AGBL4: variants seen among roughly 807,000 people sequenced by gnomAD.
AGBL4 encodes AGBL carboxypeptidase 4, also known as cytosolic carboxypeptidase 6.
Under a neutral mutation model 66.4 loss-of-function variants are expected in AGBL4, and 58 were observed. That is an observed-to-expected ratio of 0.87 (90% CI 0.71 to 1.09). The LOEUF (loss-of-function observed/expected upper bound fraction) is 1.09, where lower values mean the gene tolerates loss of function less well. Among genes scored for constraint, AGBL4 ranks in the 50% least tolerant of loss-of-function variants. The pLI is 0.00. For missense variants in AGBL4, 579 were observed against 631.0 expected, an observed-to-expected ratio of 0.92 and a Z score of 0.88; for synonymous variants, 234 against 222.9, an observed-to-expected ratio of 1.05 and a Z score of -0.44.
chr1:49,408,398 C>T (rs1157725806), intron 3 of AGBL4, among the ~76,000 whole-genome samples: 1 of 152,124 alleles, frequency 6.6e-6, no homozygotes, highest in Non-Finnish European at 1.5e-5. Flanking sequence ...TCACACTACC[C>T]TTGTGTGATG....
intron 1 of AGBL4, chr1:49,996,176 AT>A (rs2148411500): frequency 6.6e-6 from 1 of 152,340 alleles, no homozygotes; most frequent in East Asian, 1.9e-4. Context: ...CCCCAAAAAA[AT>A]CACATTAGCT....
chr1:49,942,619 T>C (rs949257933), intron 1 of AGBL4, among the ~76,000 whole-genome samples: 1 of 152,176 alleles, frequency 6.6e-6, no homozygotes, highest in African/African-American at 2.4e-5. Flanking sequence ...TTGGAAAGAT[T>C]GTCTATCCAC....
chr1:49,735,624 A>G (rs1214549666), intron 2 of AGBL4, among the ~76,000 whole-genome samples: 1 of 152,172 alleles, frequency 6.6e-6, no homozygotes, highest in Non-Finnish European at 1.5e-5. Flanking sequence ...CAAGATACAG[A>G]AAAATTAACT....
intron 9 of AGBL4, among the ~76,000 whole-genome samples, chr1:48,610,355 GGT>G (rs1645218589): frequency 6.6e-6 from 1 of 152,146 alleles, no homozygotes; most frequent in Non-Finnish European, 1.5e-5. Context: ...CTGGGCTACT[GGT>G]TAGGATGCAT....
chr1:49,508,245 C>G (rs1400451646), intron 3 of AGBL4, among the ~76,000 whole-genome samples: 1 of 151,912 alleles, frequency 6.6e-6, no homozygotes, highest in East Asian at 1.9e-4. Flanking sequence ...CCTCCAATCT[C>G]TTTTTCAAAG....
chr1:49,987,644 C>G (rs1316607595), intron 1 of AGBL4, among the ~76,000 whole-genome samples: 1 of 152,004 alleles, frequency 6.6e-6, no homozygotes, highest in Non-Finnish European at 1.5e-5. Context: ...AAATCTAAGA[C>G]TGTCCACTGA....
At chr1:48,699,636 C>T (rs1292212529) in intron 6 of AGBL4, among the ~76,000 whole-genome samples, 1 of 152,124 alleles carries the variant, frequency 6.6e-6, no homozygotes, top group Non-Finnish European at 1.5e-5. Context: ...AATAAATTAC[C>T]CTGGCTCTCT....
chr1:49,381,931 G>T (rs971964971), intron 3 of AGBL4, among the ~76,000 whole-genome samples: 1 of 151,658 alleles, frequency 6.6e-6, no homozygotes, highest in Non-Finnish European at 1.5e-5. Flanking sequence ...CACCAGCATG[G>T]CACATGTATA....
Position 49,482,393 on chromosome 1 carries a change from A to AT in AGBL4, c.282+214919dup, listed in dbSNP as rs202168670. On this transcript the variant is annotated intron_variant, in intron 3 of 13. Coordinates refer to ENST00000371839, the MANE Select transcript of AGBL4 (RefSeq NM_032785.4). The stretch of plus-strand genomic sequence containing the variant: ...GGTGTAAGTGCCCAGGGATTTATCC[A>AT]TTTTTTTTCTAGATTATCTAGTTTA... 5.5e-3 allele frequency among the ~76,000 whole-genome samples: 830 copies of AT among 150,948 alleles called. 7 individuals are homozygous for AT. Among genetic ancestry groups the AT allele is most frequent in the Middle Eastern group, 0.02 (6 of 294 alleles).
chr1:49,263,826 A>G (rs951027950), intron 3 of AGBL4, among the ~76,000 whole-genome samples: 16 of 152,194 alleles, frequency 1.1e-4, no homozygotes, highest in Non-Finnish European at 2.1e-4. Flanking sequence ...AAGGAGACAC[A>G]TGCAGAGTTG....
intron 2 of AGBL4, among the ~76,000 whole-genome samples, chr1:49,733,570 G>A (rs1229849323): frequency 1.3e-5 from 2 of 152,130 alleles, no homozygotes; most frequent in South Asian, 2.1e-4. Flanking sequence ...TCCAGTGTAT[G>A]GTGAGAGCCT....
chr1:49,187,714 T>G (rs1647040010), intron 4 of AGBL4: 1 of 152,202 alleles, frequency 6.6e-6, no homozygotes, highest in South Asian at 2.1e-4. Flanking sequence ...ATGCGGCTCA[T>G]GCATACTTCC....
chr1:48,748,815 G>A (rs113233036), intron 6 of AGBL4, among the ~76,000 whole-genome samples: 3 of 152,228 alleles, frequency 2.0e-5, no homozygotes, highest in African/African-American at 7.2e-5. Flanking sequence ...GGAGGTGGGG[G>A]AGTAGTGAGG....
chr1:49,076,111 T>C (rs1347594634), intron 4 of AGBL4, among the ~76,000 whole-genome samples: 1 of 152,208 alleles, frequency 6.6e-6, no homozygotes, highest in Admixed American at 6.5e-5. Flanking sequence ...AATGGAATTG[T>C]TGCTACTGCA....
In AGBL4 at chr1:49,938,476, A is replaced by G. The variant is rs571365425; in HGVS notation, c.34+85287T>C. 3.9e-5 allele frequency among the ~76,000 whole-genome samples: 6 copies of G among 152,324 alleles called. No homozygotes were observed. In the South Asian group the frequency reaches 1.2e-3, roughly 32 times the overall value. ...ATTCCAATCAACAGAAAAAGAGGGA[A>G]TCTTCCCTAACTCATTTTATGAGGA... On this transcript the variant is annotated intron_variant, in intron 1 of 13. Transcript: ENST00000371839.
intron 3 of AGBL4, among the ~76,000 whole-genome samples, chr1:49,561,077 T>C (rs1212041858): frequency 6.6e-6 from 1 of 152,068 alleles, no homozygotes; most frequent in East Asian, 1.9e-4. Flanking sequence ...AACATAACTA[T>C]GGTGTGTAAA....
At chr1:48,572,146 G>T (rs1644575083) in intron 11 of AGBL4, among the ~76,000 whole-genome samples, 1 of 152,160 alleles carries the variant, frequency 6.6e-6, no homozygotes, top group Admixed American at 6.5e-5. Flanking sequence ...GGCTGAAAGG[G>T]ATATGAGGAA....
intron 11 of AGBL4, among the ~76,000 whole-genome samples, chr1:48,573,261 C>T (rs1310159550): frequency 2.0e-5 from 3 of 152,122 alleles, no homozygotes; most frequent in Non-Finnish European, 2.9e-5. Flanking sequence ...TTGATCTGCC[C>T]GGATATTTAC....
chr1:49,340,711 C>T (rs1036867479), intron 3 of AGBL4, among the ~76,000 whole-genome samples: 11 of 152,068 alleles, frequency 7.2e-5, no homozygotes, highest in African/African-American at 2.2e-4. Flanking sequence ...CATATTGAAA[C>T]GGGGCTGGGT....
Sources: allele counts gnomAD v4.1 joint callset (sites outside exome capture counted in the v4.1 genomes callset), GRCh38; gene constraint gnomAD v4.1.1; transcripts MANE v1.5; gene names NCBI Gene and HGNC (gene_info 2026-07-23, HGNC 2026-07-21).